Variants in ZNF682 observed in about 807,000 individuals in gnomAD.
ZNF682 encodes the protein zinc finger protein 682.
In ZNF682, 29 loss-of-function variants were observed where a neutral mutation model predicts 36.5. The observed-to-expected ratio is 0.80, with a 90% confidence interval of 0.59 to 1.08. The LOEUF is 1.08. Among genes scored for constraint, ZNF682 ranks in the 50% least tolerant of loss-of-function variants. The pLI, the probability that ZNF682 is intolerant of heterozygous loss-of-function variation, is 0.00. For synonymous variants in ZNF682, 180 were observed against 197.0 expected, an observed-to-expected ratio of 0.91 and a Z score of 0.72; for missense variants, 561 against 579.7, an observed-to-expected ratio of 0.97 and a Z score of 0.33.
chr19:20,006,017 G>T lies in ZNF682; in HGVS notation c.1485C>A (p.Asn495Lys). ...KCGEAFNHCS[N>K]LTT The stretch of plus-strand genomic sequence containing the variant: ...TTAGTAAAAATTCTTACGTAGTAAG[G>T]TTTGAGCAGTGATTAAAAGCTTCCC... Residue 495 changes from asparagine (N) to lysine (K), a missense_variant, in exon 4 of 4, where the codon AAC becomes AAA. Asn to Lys is a moderately conservative substitution (Grantham distance 94). Transcript: ENST00000397165. 6.3e-7 allele frequency: 1 copy of T among 1,598,960 alleles called. No individual in the cohort carries two copies. The highest frequency in any genetic ancestry group is 1.1e-5 in the South Asian group (1 of 89,146).
chr19:20,036,139 C>T (rs1368565053), intron 1 of ZNF682, among the ~76,000 whole-genome samples: 5 of 152,156 alleles, frequency 3.3e-5, no homozygotes, highest in Non-Finnish European at 5.9e-5. Context: ...AGGTACAGAG[C>T]GTACTCTGAG....
At chr19:20,002,758 A>T (rs929846812), downstream of ZNF682, among the ~76,000 whole-genome samples, 1 of 152,162 alleles carries the variant, frequency 6.6e-6, no homozygotes, top group Non-Finnish European at 1.5e-5. Flanking sequence ...TGACTAAACA[A>T]CACCATGTCT....
intron 2 of ZNF682, 126 bp downstream of exon 2, chr19:20,024,124 T>A (rs2088410963): frequency 8.7e-7 from 1 of 1,147,918 alleles, no homozygotes. Context: ...AATCCCCAAG[T>A]TTTCCTTGAA....
At chr19:19,998,701 C>A (rs1181164039) in intron 3 of ZNF682, among the ~76,000 whole-genome samples, 1 of 152,004 alleles carries the variant, frequency 6.6e-6, no homozygotes, top group African/African-American at 2.4e-5. Flanking sequence ...CTTTGTGTGG[C>A]CTGAGAGCCC....
intron 3 of ZNF682, among the ~76,000 whole-genome samples, chr19:20,009,650 A>G (rs1440723439): frequency 6.6e-6 from 1 of 152,240 alleles, no homozygotes; most frequent in Non-Finnish European, 1.5e-5. Context: ...TACCTAAAAA[A>G]TGAATTCTAT....
rs2088211687 is a variant in ZNF682, at chr19:20,006,013, T to G, written c.1489A>C (p.Thr497Pro). 1.3e-6 allele frequency: 2 copies of G among 1,573,600 alleles called. No homozygotes were observed. Among genetic ancestry groups the G allele is most frequent in the Non-Finnish European group, 1.7e-6 (2 of 1,160,344 alleles). Reference protein sequence around the residue: ...GEAFNHCSNLTT With the variant: ...GEAFNHCSNLPT ...CTCTTTAGTAAAAATTCTTACGTAG[T>G]AAGGTTTGAGCAGTGATTAAAAGCT... The change falls in exon 4 of 4, where the codon ACT becomes CCT. Residue 497 changes from threonine to proline, a missense_variant. Thr to Pro is a conservative substitution (Grantham distance 38). Coordinates refer to ENST00000397165, the MANE Select transcript of ZNF682 (RefSeq NM_033196.3).
At chr19:20,000,147 A>T (rs796070345), downstream of ZNF682, among the ~76,000 whole-genome samples, 7 of 152,140 alleles carry the variant, frequency 4.6e-5, no homozygotes, top group African/African-American at 1.7e-4. Context: ...GGGCCTCTGG[A>T]TAGGTCTTAT....
intron 3 of ZNF682, among the ~76,000 whole-genome samples, chr19:20,022,624 T>C (rs1169887081): frequency 1.3e-5 from 2 of 151,612 alleles, no homozygotes; most frequent in African/African-American, 2.4e-5. Flanking sequence ...GATTGAGCCA[T>C]TGCACTCCAG....
At chr19:20,033,318 CTATTTATA>C (rs938220030) in intron 1 of ZNF682, 10 of 152,234 alleles carry the variant, frequency 6.6e-5, no homozygotes, top group African/African-American at 1.7e-4. Context: ...ATGTTCTTGG[CTATTTATA>C]TATTAAATCA....
intron 1 of ZNF682, among the ~76,000 whole-genome samples, chr19:20,035,046 G>C (rs1198265806): frequency 6.6e-6 from 1 of 152,000 alleles, no homozygotes; most frequent in African/African-American, 2.4e-5. Context: ...TGCAATGAGT[G>C]GAGATCATGC....
chr19:20,023,010 G>T lies in ZNF682; in HGVS notation c.220C>A (p.Pro74Thr). The change falls in exon 3 of 4, where the codon CCC becomes ACC. Residue 74 changes from proline (P) to threonine (T), a missense_variant. By Grantham distance (38) the Pro-to-Thr change is conservative. Transcript: ENST00000397165. ...TTTCATTCATCCAACCTACCTGGGG[G>T]TTTGGCTATGGTCTCATGTCTCTTC... ...NVKRHETIAK[P>T]PAMSSHYTED... 1 of 1,612,642 alleles carries T rather than the reference G, an allele frequency of 6.2e-7. No homozygotes were observed. The highest frequency in any genetic ancestry group is 8.5e-7 in the Non-Finnish European group (1 of 1,179,032).
chr19:20,018,237 GCGCC>G (rs1229916453), intron 3 of ZNF682, among the ~76,000 whole-genome samples: 1 of 149,874 alleles, frequency 6.7e-6, no homozygotes, highest in East Asian at 1.9e-4. Flanking sequence ...GGGACTACAG[GCGCC>G]CGCCACTACG....
At chr19:19,997,018 A>G, downstream of ZNF682, 1 of 382,490 alleles carries the variant, frequency 2.6e-6, no homozygotes, top group Non-Finnish European at 4.6e-6. Flanking sequence ...GGGAAAGATC[A>G]TGGAAGCGAG....
chr19:19,997,113 G>A (rs1238608478), exon 4 of ZNF682: 5 of 396,670 alleles, frequency 1.3e-5, no homozygotes, highest in East Asian at 3.6e-5. Flanking sequence ...CTATAAGCCA[G>A]TGCATGCACT....
At chr19:20,036,964 G>C (rs1326284875) in intron 1 of ZNF682, among the ~76,000 whole-genome samples, 1 of 151,956 alleles carries the variant, frequency 6.6e-6, no homozygotes, top group African/African-American at 2.4e-5. Flanking sequence ...TAGCCTAAGT[G>C]AAAGAGTGAG....
In ZNF682 at chr19:20,039,437, A is replaced by G; in HGVS notation, c.-92T>C. 2 of 1,564,552 alleles carry G rather than the reference A, an allele frequency of 1.3e-6. No individual in the cohort carries two copies. Among genetic ancestry groups the G allele is most frequent in the East Asian group, 4.5e-5 (2 of 44,644 alleles). On this transcript the variant is annotated 5_prime_UTR_variant, in exon 1 of 4. Coordinates refer to ENST00000397165, the MANE Select transcript of ZNF682 (RefSeq NM_033196.3). ...AACAGAGGCTGCGACAGTCACCGGG[A>G]ACTACTAGAGCAGAGGATACTAAGC...
intron 1 of ZNF682, among the ~76,000 whole-genome samples, chr19:20,032,078 G>A (rs958646595): frequency 6.6e-6 from 1 of 152,122 alleles, no homozygotes; most frequent in Non-Finnish European, 1.5e-5. Flanking sequence ...GGAGAAGTAG[G>A]ACATAATTCT....
At chr19:19,997,951 CTTGAGTTATTATTA>C (rs2088138007) in intron 3 of ZNF682, among the ~76,000 whole-genome samples, 1 of 152,188 alleles carries the variant, frequency 6.6e-6, no homozygotes, top group Non-Finnish European at 1.5e-5. Context: ...GGTCATGCAC[CTTGAGTTATTATTA>C]ACGATCCCCA....
intron 3 of ZNF682, among the ~76,000 whole-genome samples, chr19:19,999,230 C>G (rs1284013587): frequency 6.6e-6 from 1 of 152,168 alleles, no homozygotes; most frequent in East Asian, 1.9e-4. Flanking sequence ...GTCCATGGTT[C>G]TTTGGTATGG....
Sources: allele counts gnomAD v4.1 joint callset (sites outside exome capture counted in the v4.1 genomes callset), GRCh38; gene constraint gnomAD v4.1.1; transcripts MANE v1.5; gene names NCBI Gene and HGNC (gene_info 2026-07-23, HGNC 2026-07-21).